Variants in TEX264 observed in about 807,000 individuals in gnomAD.
The protein encoded by TEX264 is testis expressed 264, ER-phagy receptor.
In TEX264, 13 loss-of-function variants were observed where a neutral mutation model predicts 23.4. That is an observed-to-expected ratio of 0.56 (90% CI 0.36 to 0.88). The LOEUF (loss-of-function observed/expected upper bound fraction) is 0.88, where lower values mean the gene tolerates loss of function less well. Among genes scored for constraint, TEX264 ranks in the 40% least tolerant of loss-of-function variants. The pLI, the probability that TEX264 is intolerant of heterozygous loss-of-function variation, is 0.01. For synonymous variants in TEX264, 159 were observed against 170.0 expected, an observed-to-expected ratio of 0.94 and a Z score of 0.50; for missense variants, 340 against 406.8, an observed-to-expected ratio of 0.84 and a Z score of 1.41.
intron 3 of TEX264, among the ~76,000 whole-genome samples, chr3:51,692,459 G>T (rs1262009179): frequency 1.3e-5 from 2 of 152,178 alleles, no homozygotes; most frequent in Non-Finnish European, 2.9e-5. Flanking sequence ...AGAGGTACCA[G>T]TTGGAGATGA....
chr3:51,699,304 C>T (rs1255909789), intron 3 of TEX264, 102 bp from the exon 4 acceptor site: 11 of 1,282,956 alleles, frequency 8.6e-6, no homozygotes, highest in Non-Finnish European at 1.2e-5. Flanking sequence ...AGAGCCAGCC[C>T]CTGGGACAGA....
intron 3 of TEX264, among the ~76,000 whole-genome samples, chr3:51,685,993 A>G (rs1702607186): frequency 6.6e-6 from 1 of 152,076 alleles, no homozygotes; most frequent in Non-Finnish European, 1.5e-5. Context: ...GTATGTAGTG[A>G]TGCTTTCACT....
chr3:51,674,972 T>C lies in TEX264; in HGVS notation c.258+410T>C, dbSNP rs187184370. ...CTTTGGGGTTACATCTTGCTGTTTCTGTGCTTTCCATCCCTCAGCTCTTCT... is the reference window on the plus strand; with the variant it reads ...CTTTGGGGTTACATCTTGCTGTTTCCGTGCTTTCCATCCCTCAGCTCTTCT... On this transcript the variant is annotated intron_variant, in intron 2 of 4. Transcript: ENST00000341333. Among the ~76,000 whole-genome samples, 575 of 152,352 alleles carry C rather than the reference T, an allele frequency of 3.8e-3. 3 individuals are homozygous for C. Among genetic ancestry groups the C allele is most frequent in the African/African-American group, 0.013 (540 of 41,582 alleles).
At chr3:51,695,166 G>A (rs1703006665) in intron 3 of TEX264, among the ~76,000 whole-genome samples, 1 of 152,236 alleles carries the variant, frequency 6.6e-6, no homozygotes, top group South Asian at 2.1e-4. Flanking sequence ...CTTGCTGGCT[G>A]TGCAGCTGCC....
At chr3:51,688,037 C>T (rs1702689171) in intron 3 of TEX264, among the ~76,000 whole-genome samples, 1 of 152,188 alleles carries the variant, frequency 6.6e-6, no homozygotes, top group African/African-American at 2.4e-5. Context: ...CTGCTAAGGG[C>T]CCCCAGGCTG....
intron 2 of TEX264, among the ~76,000 whole-genome samples, chr3:51,679,398 C>T (rs1179495339): frequency 6.6e-6 from 1 of 152,192 alleles, no homozygotes; most frequent in Non-Finnish European, 1.5e-5. Context: ...TTAGTCCCAG[C>T]CTCCTGCAGG....
At chr3:51,699,284 G>A in intron 3 of TEX264, 122 bp from the exon 4 acceptor site, 1 of 1,020,128 alleles carries the variant, frequency 9.8e-7, no homozygotes, top group Non-Finnish European at 1.5e-6. Context: ...CTTGGAAGAG[G>A]TTGAGAGGCA....
chr3:51,685,525 G>A (rs1702592215), intron 3 of TEX264, among the ~76,000 whole-genome samples: 1 of 152,218 alleles, frequency 6.6e-6, no homozygotes, highest in Admixed American at 6.5e-5. Context: ...TGGACAGAAT[G>A]GTCAGGGACA....
chr3:51,682,135 C>T (rs1702448818), intron 2 of TEX264: 2 of 152,210 alleles, frequency 1.3e-5, no homozygotes, highest in Non-Finnish European at 2.9e-5. Context: ...TTGCACAGCA[C>T]AGGTTGGTAG....
In TEX264 at chr3:51,684,637, G is replaced by A. The variant is rs774484522; in HGVS notation, c.480+3G>A. 6.2e-7 allele frequency: 1 copy of A among 1,614,086 alleles called. No homozygotes were observed. The highest frequency in any genetic ancestry group is 8.5e-7 in the Non-Finnish European group (1 of 1,179,940). On this transcript the variant is annotated splice_donor_region_variant and intron_variant, in intron 3 of 4. Coordinates refer to ENST00000341333, the MANE Select transcript of TEX264 (RefSeq NM_015926.6). ...CTGCCTTGGACACCTACATCAAGGT[G>A]AGGCACAGGCCTGGGGTGTGTGTGT... is the stretch of plus-strand genomic sequence containing the variant.
rs575085161 is a variant in TEX264, at chr3:51,679,428, C to T, written c.258+4866C>T. 2.9e-4 allele frequency among the ~76,000 whole-genome samples: 44 copies of T among 152,230 alleles called. No individual in the cohort carries two copies. The South Asian group carries it at 8.1e-3, about 28-fold the overall frequency. ...TGCAGGTTGTCTGGGCCATGTGAGGCGGCACAGTGCAGGGAAAAGCCATTG... is the reference window on the plus strand; with the variant it reads ...TGCAGGTTGTCTGGGCCATGTGAGGTGGCACAGTGCAGGGAAAAGCCATTG... On this transcript the variant is annotated intron_variant, in intron 2 of 4. Coordinates refer to ENST00000341333, the MANE Select transcript of TEX264 (RefSeq NM_015926.6).
chr3:51,694,008 TTCCTTCC>T (rs1559680497), intron 3 of TEX264, among the ~76,000 whole-genome samples: 2 of 120,742 alleles, frequency 1.7e-5, no homozygotes, highest in Non-Finnish European at 1.6e-5. Flanking sequence ...CCTTCCTTCC[TTCCTTCC>T]TTCCTTCCTT....
chr3:51,701,157 AG>A (rs1314444324), intron 4 of TEX264, among the ~76,000 whole-genome samples: 2 of 152,038 alleles, frequency 1.3e-5, no homozygotes, highest in Admixed American at 1.3e-4. Context: ...ATTTGGGTGA[AG>A]GGGGTGGGCT....
Position 51,699,474 on chromosome 3 carries a change from A to C in TEX264, c.549A>C (p.Pro183=). The part of the protein sequence containing the change: ...YQEDQIHFMC[P]LARQGDFYVP... ...AAGACCAGATCCATTTCATGTGCCC[A>C]CTGGCACGGCAGGGAGACTTCTATG... The change falls in exon 4 of 5, where the codon CCA becomes CCC. Residue 183 remains proline, a synonymous_variant. Coordinates refer to ENST00000341333, the MANE Select transcript of TEX264 (RefSeq NM_015926.6). 6.2e-7 allele frequency: 1 copy of C among 1,614,116 alleles called. No homozygotes were observed. The highest frequency in any genetic ancestry group is 8.5e-7 in the Non-Finnish European group (1 of 1,179,944).
intron 2 of TEX264, chr3:51,683,513 T>G (rs1278946283): frequency 6.6e-6 from 1 of 152,216 alleles, no homozygotes; most frequent in Non-Finnish European, 1.5e-5. Flanking sequence ...GTGCAGGCAC[T>G]AGCAACCTAC....
At chr3:51,671,522 G>A (rs988372940) in intron 1 of TEX264, 5 of 154,690 alleles carry the variant, frequency 3.2e-5, no homozygotes, top group East Asian at 1.9e-4. Context: ...GGCCACCGGT[G>A]CAGGGCATGC....
intron 3 of TEX264, among the ~76,000 whole-genome samples, chr3:51,696,375 CTG>C (rs781274175): frequency 3.3e-5 from 5 of 152,170 alleles, no homozygotes; most frequent in Non-Finnish European, 5.9e-5. Flanking sequence ...CTGGGGCTAA[CTG>C]AGGGAGAGGC....
At chr3:51,692,355 T>A (rs1157134408) in intron 3 of TEX264, among the ~76,000 whole-genome samples, 14 of 152,080 alleles carry the variant, frequency 9.2e-5, no homozygotes, top group Admixed American at 9.2e-4. Context: ...CAGAACAACT[T>A]CTTCTTCAGC....
At chr3:51,699,830 G>C (rs1703220240) in intron 4 of TEX264, among the ~76,000 whole-genome samples, 1 of 152,160 alleles carries the variant, frequency 6.6e-6, no homozygotes, top group Admixed American at 6.5e-5. Context: ...ACCCTGCCTG[G>C]ATTCCCTCCA....
Sources: allele counts gnomAD v4.1 joint callset (sites outside exome capture counted in the v4.1 genomes callset), GRCh38; gene constraint gnomAD v4.1.1; transcripts MANE v1.5; gene names NCBI Gene and HGNC (gene_info 2026-07-23, HGNC 2026-07-21).